The following SLC38A11 variants were observed in gnomAD, a reference collection of about 807,000 sequenced individuals.
The protein encoded by SLC38A11 is solute carrier family 38 member 11, also known as putative sodium-coupled neutral amino acid transporter 11.
A neutral mutation model predicts 49.4 loss-of-function variants in SLC38A11; 51 were observed. The observed-to-expected ratio is 1.03, with a 90% CI of 0.83 to 1.30. The LOEUF (loss-of-function observed/expected upper bound fraction) is 1.30. SLC38A11 is among the 50% of genes most tolerant of loss of function. SLC38A11 has a pLI of 0.00. For synonymous variants in SLC38A11, 203 were observed against 192.9 expected, an observed-to-expected ratio of 1.05 and a Z score of -0.43; for missense variants, 574 against 556.2, an observed-to-expected ratio of 1.03 and a Z score of -0.32.
chr2:164,911,099 T>A (rs1008516801), intron 10 of SLC38A11, among the ~76,000 whole-genome samples: 2 of 151,962 alleles, frequency 1.3e-5, no homozygotes, highest in African/African-American at 4.8e-5. Context: ...ATAAATAAAA[T>A]GTATCTGTAA....
chr2:164,946,641 A>G (rs1306059019), intron 3 of SLC38A11, among the ~76,000 whole-genome samples: 2 of 152,058 alleles, frequency 1.3e-5, no homozygotes, highest in African/African-American at 4.8e-5. Context: ...CAGAAATTAT[A>G]TAATGAAAAG....
chr2:164,934,440 G>A (rs1011440708), intron 7 of SLC38A11, among the ~76,000 whole-genome samples: 6 of 151,998 alleles, frequency 3.9e-5, no homozygotes, highest in African/African-American at 7.2e-5. Flanking sequence ...CTCCAATGGC[G>A]AAATAATGAA....
At chr2:164,899,733 TA>T (rs1417807347) in intron 11 of SLC38A11, among the ~76,000 whole-genome samples, 2 of 152,104 alleles carry the variant, frequency 1.3e-5, no homozygotes, top group African/African-American at 4.8e-5. Flanking sequence ...ATACAGATAG[TA>T]AAATGGTTAT....
chr2:164,906,189 A>G (rs1684993205), intron 11 of SLC38A11, among the ~76,000 whole-genome samples: 1 of 152,224 alleles, frequency 6.6e-6, no homozygotes, highest in South Asian at 2.1e-4. Flanking sequence ...ATCCTAAAAT[A>G]TCAACAAACA....
chr2:164,942,443 A>AAAC (rs1687843440), intron 5 of SLC38A11, among the ~76,000 whole-genome samples: 1 of 151,402 alleles, frequency 6.6e-6, no homozygotes, highest in South Asian at 2.1e-4. Context: ...AAAAAAAAAA[A>AAAC]AAAACAAAAA....
Position 164,915,145 on chromosome 2 carries a change from AT to A in SLC38A11, c.816del (p.Cys273ValfsTer4). On this transcript the variant is annotated frameshift_variant, in exon 9 of 12. Coordinates refer to ENST00000685975, the MANE Select transcript of SLC38A11 (RefSeq NM_001351537.2). LOFTEE classifies it high-confidence loss of function. Reference protein sequence around the residue: ...ISVFICIFFATCGYLTFTGFT... With the variant: ...ISVFICIFFAXCGYLTFTGFT... ...AAGCCAGTAAATGTCAAGTATCCACATGTAGCAAAGAATATACAGATAAATA... is the reference window on the plus strand; with the variant it reads ...AAGCCAGTAAATGTCAAGTATCCACAGTAGCAAAGAATATACAGATAAATA... The A allele has an allele frequency of 6.2e-7, 1 of 1,610,090 alleles. No individual in the cohort carries two copies. The highest frequency in any genetic ancestry group is 8.5e-7 in the Non-Finnish European group (1 of 1,178,364).
Position 164,915,906 on chromosome 2 carries a change from A to G in SLC38A11, c.685T>C (p.Phe229Leu), listed in dbSNP as rs1220028604. The G allele has an allele frequency of 2.5e-6, 4 of 1,599,206 alleles. No homozygotes were observed. Among genetic ancestry groups the G allele is most frequent in the Non-Finnish European group, 3.4e-6 (4 of 1,169,150 alleles). Residue 229 changes from phenylalanine (F) to leucine (L), a missense_variant, in exon 8 of 12, where the codon TTT becomes CTT. Coordinates refer to ENST00000685975, the MANE Select transcript of SLC38A11 (RefSeq NM_001351537.2). ...GCCTTTGAAACCAAATACTCACCAA[A>G]AGACATAACCCCGACCGCTTGAATG... ...NAIQAVGVMS[F>L]AFICHHNSFL... is the part of the protein sequence containing the mutation.
At chr2:164,950,613 C>A (rs555873313) in intron 3 of SLC38A11, among the ~76,000 whole-genome samples, 32 of 152,154 alleles carry the variant, frequency 2.1e-4, no homozygotes, top group African/African-American at 7.5e-4. Flanking sequence ...AAAGAATTTT[C>A]TTTTAAATAA....
rs530558436 is a variant in SLC38A11, at chr2:164,896,386, A to G, written c.*2051T>C. 2.4e-4 allele frequency: 36 copies of G among 152,266 alleles called. No homozygotes were observed. The highest frequency in any genetic ancestry group is 6.5e-4 in the African/African-American group (27 of 41,576). 9.4% of individuals were successfully genotyped at this position (152,266 alleles called of 1,614,324 possible). ...GAGTATGAAGCAACACCAAAGTACA[A>G]GATAAGAGATGGTTACGTGCTAAAT... On this transcript the variant is annotated 3_prime_UTR_variant, in exon 12 of 12. Transcript: ENST00000685975.
At position 164,895,384 on chromosome 2, in the gene SLC38A11, A is replaced by C. The variant is rs1008010063; in HGVS notation, c.*3053T>G. Among the ~76,000 whole-genome samples the C allele has an allele frequency of 6.6e-6, 1 of 152,134 alleles. No individual in the cohort carries two copies. The highest frequency in any genetic ancestry group is 2.4e-5 in the African/African-American group (1 of 41,436). The stretch of plus-strand genomic sequence containing the variant: ...CTCACTGATGGGTGACCTCATGGTC[A>C]CTCATTGATTCATGCTTGGGCCACC... On this transcript the variant is annotated 3_prime_UTR_variant, in exon 12 of 12. Transcript: ENST00000685975.
chr2:164,915,826 TA>T, intron 8 of SLC38A11, 76 bp downstream of exon 8: 1 of 1,084,510 alleles, frequency 9.2e-7, no homozygotes, highest in South Asian at 1.6e-5. Flanking sequence ...TATCCAGACA[TA>T]AATATGAAAC....
At chr2:164,932,566 G>C (rs531582652) in intron 7 of SLC38A11, among the ~76,000 whole-genome samples, 2 of 152,026 alleles carry the variant, frequency 1.3e-5, no homozygotes, top group Non-Finnish European at 1.5e-5. Context: ...GCCATAAAAA[G>C]ATCATGTCCT....
At chr2:164,902,398 T>C (rs1007980916) in intron 11 of SLC38A11, among the ~76,000 whole-genome samples, 2 of 152,176 alleles carry the variant, frequency 1.3e-5, no homozygotes, top group Non-Finnish European at 2.9e-5. Flanking sequence ...AAATGTAAGT[T>C]TTTAATATAT....
At chr2:164,923,302 A>T in intron 7 of SLC38A11, among the ~76,000 whole-genome samples, 1 of 152,348 alleles carries the variant, frequency 6.6e-6, no homozygotes, top group African/African-American at 2.4e-5. Flanking sequence ...ACAGAATGGG[A>T]GAAGATATTT....
At position 164,952,726 on chromosome 2, in the gene SLC38A11, G is replaced by A. The variant is rs1445242951; in HGVS notation, c.210C>T (p.Phe70=). The A allele has an allele frequency of 3.1e-6, 5 of 1,608,126 alleles. No individual in the cohort carries two copies. Among genetic ancestry groups the A allele is most frequent in the African/African-American group, 1.3e-5 (1 of 74,368 alleles). The change falls in exon 3 of 12, where the codon TTC becomes TTT. Residue 70 remains phenylalanine (F), a synonymous_variant. Coordinates refer to ENST00000685975, the MANE Select transcript of SLC38A11 (RefSeq NM_001351537.2). ...AGFPLGILLL[F]WVSYVTDFSL... Reference sequence around the variant, plus strand: ...TTTTACCTGTAACATATGAAACCCAGAATAAAAGCAATATTCCCAAAGGAA... The same window carrying A: ...TTTTACCTGTAACATATGAAACCCAAAATAAAAGCAATATTCCCAAAGGAA...
At chr2:164,946,005 T>TG (rs1688080468) in intron 3 of SLC38A11, among the ~76,000 whole-genome samples, 1 of 152,172 alleles carries the variant, frequency 6.6e-6, no homozygotes, top group African/African-American at 2.4e-5. Flanking sequence ...CGAGTCAAAC[T>TG]GCCAGTGTTC....
intron 11 of SLC38A11, 131 bp from the exon 12 acceptor site, chr2:164,898,861 C>A: frequency 1.3e-6 from 1 of 767,150 alleles, no homozygotes; most frequent in Non-Finnish European, 2.0e-6. Flanking sequence ...TTGAATCAAA[C>A]AAAGGGAGGA....
chr2:164,922,485 T>G (rs1686274929), intron 7 of SLC38A11, among the ~76,000 whole-genome samples: 1 of 152,174 alleles, frequency 6.6e-6, no homozygotes, highest in Admixed American at 6.5e-5. Context: ...GATTCTGTTC[T>G]ATAGACAAAA....
chr2:164,902,079 G>A (rs1309591274), intron 11 of SLC38A11, among the ~76,000 whole-genome samples: 2 of 147,390 alleles, frequency 1.4e-5, no homozygotes, highest in East Asian at 4.0e-4. Context: ...TGTTTCCTAG[G>A]CTAGAGTGCA....
Sources: allele counts gnomAD v4.1 joint callset (sites outside exome capture counted in the v4.1 genomes callset), GRCh38; gene constraint gnomAD v4.1.1; transcripts MANE v1.5; gene names NCBI Gene and HGNC (gene_info 2026-07-23, HGNC 2026-07-21).